The following OSBPL8 variants were observed in gnomAD, a reference collection of about 807,000 sequenced individuals.
The protein encoded by OSBPL8 is oxysterol-binding protein-related protein 8.
A neutral mutation model predicts 125.5 loss-of-function variants in OSBPL8; 59 were observed. The observed-to-expected ratio is 0.47, with a 90% CI of 0.38 to 0.58. The LOEUF is 0.58. Among genes scored for constraint, OSBPL8 ranks in the 20% least tolerant of loss-of-function variants. The pLI is 0.00. For synonymous variants in OSBPL8, 330 were observed against 338.9 expected (o/e 0.97, Z 0.29); for missense variants, 758 against 1,047.8 (o/e 0.72, Z 3.82).
In OSBPL8 at chr12:76,482,833, G is replaced by A. The variant is rs144723372; in HGVS notation, c.42+4677C>T. Reference sequence around the variant, plus strand: ...TTAAAAAGTATTCTCATGTTGTGTGGCATATAAGTACCACATATAGAAAGA... The same window carrying A: ...TTAAAAAGTATTCTCATGTTGTGTGACATATAAGTACCACATATAGAAAGA... On this transcript the variant is annotated intron_variant, in intron 2 of 23. Transcript: ENST00000261183. 2.9e-4 allele frequency among the ~76,000 whole-genome samples: 44 copies of A among 152,204 alleles called. No individual in the cohort carries two copies. The East Asian group carries it at 6.2e-3, about 21-fold the overall frequency.
Position 76,515,610 on chromosome 12 carries a change from T to C in OSBPL8, c.-67-27992A>G, listed in dbSNP as rs12579961. ...CTTCCCCTTGAGTGCTGGTTGTAGA[T>C]TGCAGCTTTGCACTCCTGGGCTGCC... is the stretch of plus-strand genomic sequence containing the variant. On this transcript the variant is annotated intron_variant, in intron 1 of 23. Coordinates refer to ENST00000261183, the MANE Select transcript of OSBPL8 (RefSeq NM_020841.5). Among the ~76,000 whole-genome samples, 7 of 152,258 alleles carry C rather than the reference T, an allele frequency of 4.6e-5. No individual in the cohort carries two copies. The South Asian group carries it at 1.2e-3, about 27-fold the overall frequency.
chr12:76,402,599 C>T, intron 6 of OSBPL8, 90 bp downstream of exon 6: 1 of 904,094 alleles, frequency 1.1e-6, no homozygotes, highest in Non-Finnish European at 1.7e-6. Context: ...TCTTTAGGAA[C>T]ACACATATAT....
chr12:76,458,050 T>C (rs562457825), intron 3 of OSBPL8, among the ~76,000 whole-genome samples: 12 of 152,020 alleles, frequency 7.9e-5, no homozygotes, highest in Non-Finnish European at 1.2e-4. Flanking sequence ...GAGGATCGGA[T>C]CGCTTGAGTC....
intron 22 of OSBPL8, among the ~76,000 whole-genome samples, chr12:76,356,977 CAG>C (rs1316058198): frequency 2.6e-5 from 4 of 152,076 alleles, no homozygotes; most frequent in Non-Finnish European, 5.9e-5. Flanking sequence ...CTAATTAAAA[CAG>C]AAATAATTCA....
At chr12:76,555,724 A>G (rs758012716) in intron 1 of OSBPL8, among the ~76,000 whole-genome samples, 3 of 152,216 alleles carry the variant, frequency 2.0e-5, no homozygotes, top group Admixed American at 6.5e-5. Flanking sequence ...CGACGCTTGT[A>G]TAAGATTCAG....
Position 76,506,992 on chromosome 12 carries a change from T to C in OSBPL8, c.-67-19374A>G, listed in dbSNP as rs963584768. Among the ~76,000 whole-genome samples, 4 of 149,006 alleles carry C rather than the reference T, an allele frequency of 2.7e-5. 1 individual carries two copies. Among genetic ancestry groups the C allele is most frequent in the African/African-American group, 1.0e-4 (4 of 38,380 alleles). ...AACAGTGTATATTGCTTCTGTTAAT[T>C]TTTTAAAAGTTAAGTAACTTTTTTG... is the stretch of plus-strand genomic sequence containing the variant. On this transcript the variant is annotated intron_variant, in intron 1 of 23. Transcript: ENST00000261183.
At chr12:76,364,060 A>T (rs1952313490) in intron 21 of OSBPL8, among the ~76,000 whole-genome samples, 1 of 152,198 alleles carries the variant, frequency 6.6e-6, no homozygotes, top group Admixed American at 6.5e-5. Flanking sequence ...GTGGGAGGGT[A>T]AATTAGTTCA....
At chr12:76,476,981 T>C (rs1228340045) in intron 2 of OSBPL8, among the ~76,000 whole-genome samples, 2 of 152,178 alleles carry the variant, frequency 1.3e-5, no homozygotes, top group Non-Finnish European at 2.9e-5. Flanking sequence ...AAAAAACTGC[T>C]GAAAGGTAGA....
At chr12:76,484,919 G>A (rs1877956549) in intron 2 of OSBPL8, among the ~76,000 whole-genome samples, 1 of 151,970 alleles carries the variant, frequency 6.6e-6, no homozygotes, top group South Asian at 2.1e-4. Flanking sequence ...CTCACTACTT[G>A]TATTTTTATT....
At chr12:76,482,901 A>G (rs1877677785) in intron 2 of OSBPL8, among the ~76,000 whole-genome samples, 1 of 152,218 alleles carries the variant, frequency 6.6e-6, no homozygotes, top group South Asian at 2.1e-4. Context: ...TCTAAGACAA[A>G]CAGCACTACC....
rs573900365 is a variant in OSBPL8, at chr12:76,462,643, A to T, written c.43-2748T>A. On this transcript the variant is annotated intron_variant, in intron 2 of 23. Coordinates refer to ENST00000261183, the MANE Select transcript of OSBPL8 (RefSeq NM_020841.5). ...AAAATGTTAAGTAAAAATTCATGGT[A>T]TAATATATAGCATAAAAACTAGGGG... Among the ~76,000 whole-genome samples the T allele has an allele frequency of 8.5e-5, 13 of 152,320 alleles. No individual in the cohort carries two copies. The East Asian group carries it at 2.5e-3, about 29-fold the overall frequency.
chr12:76,424,128 G>T (rs1258860760), intron 4 of OSBPL8, among the ~76,000 whole-genome samples: 1 of 152,020 alleles, frequency 6.6e-6, no homozygotes, highest in Non-Finnish European at 1.5e-5. Context: ...AGCCTCCCAA[G>T]TAGCTGGAAC....
intron 4 of OSBPL8, among the ~76,000 whole-genome samples, chr12:76,414,615 C>CTTT (rs1165033228): frequency 5.3e-5 from 8 of 149,568 alleles, no homozygotes; most frequent in African/African-American, 2.0e-4. Context: ...CTAGGCCTGA[C>CTTT]TTTTTTGTTG....
chr12:76,542,276 A>G (rs919793293), intron 1 of OSBPL8, among the ~76,000 whole-genome samples: 2 of 152,158 alleles, frequency 1.3e-5, no homozygotes, highest in African/African-American at 4.8e-5. Flanking sequence ...CTCTTTAACC[A>G]ATCCTTTGAC....
chr12:76,482,380 A>G (rs1193415061), intron 2 of OSBPL8, among the ~76,000 whole-genome samples: 2 of 152,152 alleles, frequency 1.3e-5, no homozygotes, highest in African/African-American at 4.8e-5. Context: ...TTGGGAGGCT[A>G]AGGCGGGCGG....
chr12:76,492,956 G>A (rs74103481), intron 1 of OSBPL8, among the ~76,000 whole-genome samples: 2,793 of 150,740 alleles, frequency 0.019, 65 homozygotes, highest in African/African-American at 0.06. Flanking sequence ...TGCTTTCATT[G>A]TGTGCACGTA....
At chr12:76,361,154 C>T (rs1482831772) in intron 21 of OSBPL8, among the ~76,000 whole-genome samples, 1 of 152,202 alleles carries the variant, frequency 6.6e-6, no homozygotes, top group Non-Finnish European at 1.5e-5. Flanking sequence ...CTGCTTTTAA[C>T]AGCACCCAAG....
At chr12:76,462,586 T>A (rs1274681263) in intron 2 of OSBPL8, among the ~76,000 whole-genome samples, 1 of 152,152 alleles carries the variant, frequency 6.6e-6, no homozygotes, top group Non-Finnish European at 1.5e-5. Flanking sequence ...TTGGTACTCA[T>A]GTCCTAGTAA....
chr12:76,402,088 T>C (rs959989991), intron 6 of OSBPL8, among the ~76,000 whole-genome samples: 1 of 152,182 alleles, frequency 6.6e-6, no homozygotes, highest in Non-Finnish European at 1.5e-5. Flanking sequence ...CTATCTGATT[T>C]AATATGGGAT....
Sources: allele counts gnomAD v4.1 joint callset (sites outside exome capture counted in the v4.1 genomes callset), GRCh38; gene constraint gnomAD v4.1.1; transcripts MANE v1.5; gene names NCBI Gene and HGNC (gene_info 2026-07-23, HGNC 2026-07-21).